Variants in ZNF521 observed in about 807,000 individuals in gnomAD.
The protein encoded by ZNF521 is LYST-interacting protein 3.
In ZNF521, 14 loss-of-function variants were observed where a neutral mutation model predicts 105.5. The observed-to-expected ratio is 0.13, with a 90% CI of 0.09 to 0.21. The LOEUF is 0.21. ZNF521 is among the 10% of genes least tolerant of loss of function. The pLI is 1.00. For synonymous variants in ZNF521, 635 were observed against 606.0 expected, an observed-to-expected ratio of 1.05 and a Z score of -0.70; for missense variants, 1,233 against 1,629.7, an observed-to-expected ratio of 0.76 and a Z score of 4.19.
intron 5 of ZNF521, among the ~76,000 whole-genome samples, chr18:25,098,515 C>T (rs1468029616): frequency 6.6e-6 from 1 of 151,884 alleles, no homozygotes; most frequent in Non-Finnish European, 1.5e-5. Context: ...GATTCTTCCT[C>T]TCCCCATCCC....
At chr18:25,121,272 CCTT>C (rs1567971060) in intron 5 of ZNF521, among the ~76,000 whole-genome samples, 14 of 119,716 alleles carry the variant, frequency 1.2e-4, no homozygotes, top group African/African-American at 3.0e-4. Flanking sequence ...TCTTCTTCTT[CCTT>C]TTTTTTTTTT....
intron 5 of ZNF521, among the ~76,000 whole-genome samples, chr18:25,194,475 A>G (rs1310129737): frequency 6.6e-6 from 1 of 151,786 alleles, no homozygotes. Flanking sequence ...TAATGGGACA[A>G]TATGAATAAG....
At chr18:25,160,858 G>T (rs914560198) in intron 5 of ZNF521, among the ~76,000 whole-genome samples, 1 of 152,096 alleles carries the variant, frequency 6.6e-6, no homozygotes, top group African/African-American at 2.4e-5. Context: ...AGAGATGCTA[G>T]AGTAGATAAT....
At chr18:25,264,890 G>T (rs1000633230) in intron 3 of ZNF521, among the ~76,000 whole-genome samples, 1 of 152,032 alleles carries the variant, frequency 6.6e-6, no homozygotes, top group East Asian at 1.9e-4. Flanking sequence ...AAAAGGAAAA[G>T]AATACAGAGA....
intron 3 of ZNF521, among the ~76,000 whole-genome samples, chr18:25,269,882 T>A (rs1282712653): frequency 6.6e-6 from 1 of 151,908 alleles, no homozygotes; most frequent in Admixed American, 6.6e-5. Context: ...TTAAAAGATG[T>A]AGAGAAACAA....
intron 2 of ZNF521, among the ~76,000 whole-genome samples, chr18:25,340,792 A>T (rs1598490715): frequency 6.6e-6 from 1 of 152,194 alleles, no homozygotes; most frequent in East Asian, 1.9e-4. Context: ...CACAGGGACA[A>T]AGATAGAGAT....
chr18:25,093,922 A>C (rs947724357), intron 5 of ZNF521, among the ~76,000 whole-genome samples: 3 of 152,196 alleles, frequency 2.0e-5, no homozygotes, highest in Admixed American at 2.0e-4. Flanking sequence ...TTATTGTAAG[A>C]AATTGGATTG....
At chr18:25,111,672 CTTT>C (rs2144301593) in intron 5 of ZNF521, among the ~76,000 whole-genome samples, 1 of 152,272 alleles carries the variant, frequency 6.6e-6, no homozygotes, top group South Asian at 2.1e-4. Context: ...TGCTTTCCTT[CTTT>C]TTAAGGGGCT....
At chr18:25,266,916 C>T (rs1385975178) in intron 3 of ZNF521, among the ~76,000 whole-genome samples, 1 of 152,090 alleles carries the variant, frequency 6.6e-6, no homozygotes, top group Non-Finnish European at 1.5e-5. Context: ...TCTGGAACAC[C>T]AGCTAGACAG....
At chr18:25,067,942 C>A (rs2033113051) in intron 7 of ZNF521, among the ~76,000 whole-genome samples, 1 of 152,282 alleles carries the variant, frequency 6.6e-6, no homozygotes, top group East Asian at 1.9e-4. Context: ...AGATGTTAAT[C>A]ATTTTTACCA....
chr18:25,200,335 T>C (rs75842221), intron 4 of ZNF521, among the ~76,000 whole-genome samples: 1,844 of 152,174 alleles, frequency 0.012, 45 homozygotes, highest in African/African-American at 0.042. Flanking sequence ...TAGGATAGAA[T>C]TGGCTCTTAA....
chr18:25,276,674 C>T (rs183606035), intron 3 of ZNF521, among the ~76,000 whole-genome samples: 13 of 152,198 alleles, frequency 8.5e-5, no homozygotes, highest in African/African-American at 2.9e-4. Flanking sequence ...TACTTTAAGA[C>T]ACATCCCACA....
intron 5 of ZNF521, among the ~76,000 whole-genome samples, chr18:25,093,580 T>TA (rs2033793587): frequency 6.6e-6 from 1 of 152,226 alleles, no homozygotes; most frequent in Non-Finnish European, 1.5e-5. Flanking sequence ...TTTGTATTCC[T>TA]AATCTTTCTT....
At chr18:25,244,417 A>G (rs1252233578) in intron 3 of ZNF521, among the ~76,000 whole-genome samples, 1 of 152,096 alleles carries the variant, frequency 6.6e-6, no homozygotes, top group Non-Finnish European at 1.5e-5. Flanking sequence ...CAGGAAGCCT[A>G]AGACCTCACA....
intron 5 of ZNF521, among the ~76,000 whole-genome samples, chr18:25,106,859 C>A (rs1288622129): frequency 2.0e-5 from 3 of 152,138 alleles, no homozygotes; most frequent in Admixed American, 6.6e-5. Flanking sequence ...ACAAAAGTTG[C>A]TTCCACAGTG....
intron 3 of ZNF521, among the ~76,000 whole-genome samples, chr18:25,293,013 C>T (rs1462133950): frequency 6.6e-6 from 1 of 152,126 alleles, no homozygotes; most frequent in Non-Finnish European, 1.5e-5. Context: ...TCTCCAAGGT[C>T]ACTTCTGGGT....
chr18:25,106,838 T>C (rs2034083387), intron 5 of ZNF521, among the ~76,000 whole-genome samples: 2 of 152,184 alleles, frequency 1.3e-5, no homozygotes, highest in Non-Finnish European at 2.9e-5. Context: ...TCTGTCATCT[T>C]TTCTACTGTC....
At chr18:25,281,184 G>A (rs1225180505) in intron 3 of ZNF521, among the ~76,000 whole-genome samples, 1 of 152,142 alleles carries the variant, frequency 6.6e-6, no homozygotes, top group Non-Finnish European at 1.5e-5. Flanking sequence ...TATTTGATCT[G>A]CAGAAACTTT....
intron 2 of ZNF521, among the ~76,000 whole-genome samples, chr18:25,341,411 T>C (rs1043129615): frequency 1.3e-5 from 2 of 152,214 alleles, no homozygotes; most frequent in Admixed American, 6.5e-5. Flanking sequence ...CTTTAAAGGA[T>C]GCCTTAAATT....
Sources: gnomAD v4.1 joint callset for allele counts (sites outside exome capture counted in the v4.1 genomes callset) on GRCh38, gnomAD v4.1.1 for gene constraint, MANE v1.5 for transcripts, NCBI Gene and HGNC (gene_info 2026-07-23, HGNC 2026-07-21) for gene names.